Variants in PCDH15 observed in about 807,000 individuals in gnomAD.
The protein encoded by PCDH15 is protocadherin-15.
In PCDH15, 129 loss-of-function variants were observed where a neutral mutation model predicts 178.5. The ratio of observed to expected loss-of-function variants is 0.72; its 90% CI spans 0.63 to 0.84. The LOEUF (loss-of-function observed/expected upper bound fraction) is 0.84. Among genes scored for constraint, PCDH15 ranks in the 40% least tolerant of loss-of-function variants. PCDH15 has a pLI of 0.00. For missense variants in PCDH15, 2,230 were observed against 2,099.9 expected (o/e 1.06, Z -1.21); for synonymous variants, 800 against 732.0 (o/e 1.09, Z -1.50).
Position 54,946,587 on chromosome 10 carries a change from C to A in PCDH15, c.-79-49087G>T, listed in dbSNP as rs1022459707. 5.9e-5 allele frequency among the ~76,000 whole-genome samples: 9 copies of A among 151,668 alleles called. No individual in the cohort carries two copies. The Admixed American group carries it at 5.9e-4, about 10-fold the overall frequency. On this transcript the variant is annotated intron_variant, in intron 2 of 5. Transcript: ENST00000458638. ...GCTGTGACCATACATTAGGAAACAC[C>A]CCCGCCCCTGACAATTTCAAATAAT...
chr10:53,981,104 G>T (rs926891930), intron 21 of PCDH15, among the ~76,000 whole-genome samples: 1 of 152,052 alleles, frequency 6.6e-6, no homozygotes, highest in East Asian at 1.9e-4. Flanking sequence ...GCTCACATTA[G>T]ATTTTTAAAA....
intron 25 of PCDH15, among the ~76,000 whole-genome samples, chr10:53,925,239 C>T (rs780144109): frequency 5.3e-5 from 8 of 152,030 alleles, no homozygotes; most frequent in Admixed American, 2.6e-4. Context: ...AGCTTCACTC[C>T]TGAGGCCAGC....
At chr10:54,531,540 T>C (rs2083927287) in intron 2 of PCDH15, among the ~76,000 whole-genome samples, 1 of 152,146 alleles carries the variant, frequency 6.6e-6, no homozygotes, top group African/African-American at 2.4e-5. Flanking sequence ...CAAAGGCTTT[T>C]GAAAATCTAG....
At chr10:53,859,997 C>A (rs1473957744) in intron 27 of PCDH15, among the ~76,000 whole-genome samples, 1 of 152,114 alleles carries the variant, frequency 6.6e-6, no homozygotes, top group Non-Finnish European at 1.5e-5. Context: ...TTGGCCTGGA[C>A]AATTCCATAT....
At chr10:55,388,311 C>A (rs192077472) in intron 2 of PCDH15, among the ~76,000 whole-genome samples, 17 of 152,094 alleles carry the variant, frequency 1.1e-4, no homozygotes, top group Admixed American at 2.6e-4. Context: ...AGATCTATAA[C>A]TCTTAGGAGC....
chr10:55,266,470 G>A (rs959426507), intron 1 of PCDH15, among the ~76,000 whole-genome samples: 3 of 152,170 alleles, frequency 2.0e-5, no homozygotes, highest in East Asian at 1.9e-4. Flanking sequence ...CAGGTCCCTC[G>A]TGAGGGCTCC....
rs182618009 is a variant in PCDH15 at position 54,234,495 on chromosome 10, A to G, written c.985+2328T>C. On this transcript the variant is annotated intron_variant, in intron 9 of 37. Coordinates refer to ENST00000644397, the MANE Select transcript of PCDH15 (RefSeq NM_001384140.1). The stretch of plus-strand genomic sequence containing the variant: ...TTGAACCCAGGAAGTCGAAGCTTCA[A>G]TGAGCTATGATTGTGCCGCTGCACT... 7.9e-5 allele frequency among the ~76,000 whole-genome samples: 12 copies of G among 152,278 alleles called. No individual in the cohort carries two copies. In the East Asian group the frequency reaches 1.4e-3, roughly 17 times the overall value.
Position 53,904,681 on chromosome 10 carries a change from C to T in PCDH15, c.3374-1311G>A, listed in dbSNP as rs7069379. Among the ~76,000 whole-genome samples the T allele has an allele frequency of 4.3e-3, 653 of 152,280 alleles. 4 individuals carry two copies. Among genetic ancestry groups the T allele is most frequent in the African/African-American group, 0.015 (621 of 41,554 alleles). On this transcript the variant is annotated intron_variant, in intron 25 of 37. Coordinates refer to ENST00000644397, the MANE Select transcript of PCDH15 (RefSeq NM_001384140.1). ...TAATAGCAGATTATGCTTCTCTATC[C>T]TGCAGTGCCAGGGCTCTGACTTGTA...
At chr10:54,474,184 C>T (rs951080095) in intron 3 of PCDH15, among the ~76,000 whole-genome samples, 9 of 151,742 alleles carry the variant, frequency 5.9e-5, no homozygotes, top group African/African-American at 2.2e-4. Context: ...GAATCCATCA[C>T]AATAGTATCC....
intron 3 of PCDH15, among the ~76,000 whole-genome samples, chr10:54,429,606 GAC>G (rs1457131582): frequency 2.0e-5 from 3 of 151,994 alleles, no homozygotes; most frequent in Admixed American, 6.6e-5. Flanking sequence ...CTCCTATAAA[GAC>G]ACACATCGAC....
intron 1 of PCDH15, among the ~76,000 whole-genome samples, chr10:54,692,714 A>AGT (rs1565956175): frequency 3.3e-5 from 5 of 152,190 alleles, no homozygotes; most frequent in Non-Finnish European, 5.9e-5. Flanking sequence ...TCCCTGATTG[A>AGT]ATAACTCAAA....
At chr10:53,893,322 G>T (rs1324102283) in intron 26 of PCDH15, among the ~76,000 whole-genome samples, 1 of 152,180 alleles carries the variant, frequency 6.6e-6, no homozygotes, top group Non-Finnish European at 1.5e-5. Context: ...GAAGTCCAGG[G>T]TGATGTTATT....
At chr10:54,736,806 G>T (rs549875834) in intron 1 of PCDH15, among the ~76,000 whole-genome samples, 1 of 152,126 alleles carries the variant, frequency 6.6e-6, no homozygotes, top group South Asian at 2.1e-4. Flanking sequence ...TAGAGAATAG[G>T]GTGTGAGGGA....
chr10:54,666,919 T>C lies in PCDH15; in HGVS notation c.-28-2629A>G, dbSNP rs1021312772. ...TGGTTTCATGGAACAGTCTCCAATA[T>C]AAAAACAACATGATGGATCATTATT... On this transcript the variant is annotated intron_variant, in intron 1 of 37. Transcript: ENST00000644397. 2.6e-5 allele frequency among the ~76,000 whole-genome samples: 4 copies of C among 152,086 alleles called. No individual in the cohort carries two copies. In the East Asian group the frequency reaches 7.7e-4, roughly 29 times the overall value.
chr10:54,017,850 C>A (rs189136647), intron 20 of PCDH15, among the ~76,000 whole-genome samples: 1 of 151,988 alleles, frequency 6.6e-6, no homozygotes, highest in Non-Finnish European at 1.5e-5. Flanking sequence ...GGAATACTTC[C>A]GTGTTTCACT....
intron 2 of PCDH15, among the ~76,000 whole-genome samples, chr10:55,013,702 A>G (rs182110956): frequency 2.0e-5 from 3 of 152,292 alleles, no homozygotes; most frequent in East Asian, 1.9e-4. Flanking sequence ...TTCAATTAAC[A>G]TCTGTCTTCC....
intron 2 of PCDH15, among the ~76,000 whole-genome samples, chr10:54,905,738 A>G (rs1954707960): frequency 1.3e-5 from 2 of 152,250 alleles, no homozygotes; most frequent in South Asian, 2.1e-4. Context: ...ATAGTTCCAT[A>G]TGGACAAGAA....
At chr10:54,711,234 T>C (rs1019663594) in intron 1 of PCDH15, among the ~76,000 whole-genome samples, 1 of 151,960 alleles carries the variant, frequency 6.6e-6, no homozygotes, top group African/African-American at 2.4e-5. Flanking sequence ...CATTTAACGT[T>C]TCAAACAAAA....
chr10:55,342,584 A>G (rs971888983), intron 2 of PCDH15, among the ~76,000 whole-genome samples: 29 of 152,206 alleles, frequency 1.9e-4, no homozygotes, highest in African/African-American at 6.0e-4. Context: ...AGTTGGGACT[A>G]CAGATGTGAA....
Sources: allele counts gnomAD v4.1 joint callset (sites outside exome capture counted in the v4.1 genomes callset), GRCh38; gene constraint gnomAD v4.1.1; transcripts MANE v1.5; gene names NCBI Gene and HGNC (gene_info 2026-07-23, HGNC 2026-07-21).